Variants in TMED3 observed in about 807,000 individuals in gnomAD.
TMED3 encodes the protein transmembrane emp24 domain-containing protein 3.
Under a neutral mutation model 15.0 loss-of-function variants are expected in TMED3, and 9 were observed. The ratio of observed to expected loss-of-function variants is 0.60; its 90% CI spans 0.36 to 1.04. TMED3 has a LOEUF of 1.04. TMED3 is among the 50% of genes least tolerant of loss of function. The pLI, the probability that TMED3 is intolerant of heterozygous loss-of-function variation, is 0.01. For synonymous variants in TMED3, 117 were observed against 121.4 expected, an observed-to-expected ratio of 0.96 and a Z score of 0.24; for missense variants, 267 against 278.9, an observed-to-expected ratio of 0.96 and a Z score of 0.30.
At chr15:79,358,721 T>C (rs1035042077) in intron 2 of TMED3, among the ~76,000 whole-genome samples, 6 of 152,326 alleles carry the variant, frequency 3.9e-5, no homozygotes, top group Non-Finnish European at 5.9e-5. Context: ...CCCAACATTT[T>C]CTTATTTGCC....
chr15:79,402,347 G>T (rs1385367008), intron 2 of TMED3, among the ~76,000 whole-genome samples: 2 of 152,214 alleles, frequency 1.3e-5, no homozygotes, highest in African/African-American at 4.8e-5. Flanking sequence ...TGCTGGGTGG[G>T]TTCCCACATG....
chr15:79,320,752 T>TA (rs1424265029), intron 2 of TMED3, among the ~76,000 whole-genome samples: 2 of 152,206 alleles, frequency 1.3e-5, no homozygotes, highest in African/African-American at 4.8e-5. Context: ...AACTAATTAC[T>TA]ACAAACATAG....
chr15:79,357,550 G>A (rs143762402), intron 2 of TMED3, among the ~76,000 whole-genome samples: 164 of 145,004 alleles, frequency 1.1e-3, no homozygotes, highest in African/African-American at 3.7e-3. Context: ...AGCAGAACAC[G>A]TCTTCTTGAA....
At position 79,322,038 on chromosome 15, in the gene TMED3, C is replaced by T. The variant is rs1204754680; in HGVS notation, c.478C>T (p.His160Tyr). Residue 160 changes from histidine to tyrosine, a missense_variant, in exon 3 of 3, where the codon CAT becomes TAT. Around this residue, in one of 3 missense-constraint regions of TMED3, gnomAD observed 139 missense variants for 125.0 expected, o/e 1.11. Transcript: ENST00000299705. ...ALKTVIDSQT[H>Y]YRLREAQDRA... ...GAAAACGGTGATTGACTCCCAGACG[C>T]ATTACCGGCTGCGGGAGGCCCAGGA... 6 of 1,614,104 alleles carry T rather than the reference C, an allele frequency of 3.7e-6. No individual in the cohort carries two copies. Among genetic ancestry groups the T allele is most frequent in the Non-Finnish European group, 5.1e-6 (6 of 1,180,058 alleles).
At chr15:79,347,550 A>G (rs1350012556) in intron 2 of TMED3, among the ~76,000 whole-genome samples, 1 of 152,192 alleles carries the variant, frequency 6.6e-6, no homozygotes, top group East Asian at 1.9e-4. Context: ...GGCAAGGGAA[A>G]GAAATAAAGT....
chr15:79,364,220 AC>A (rs1437201907), intron 2 of TMED3, among the ~76,000 whole-genome samples: 2 of 152,200 alleles, frequency 1.3e-5, no homozygotes. Context: ...TGTATAAGGC[AC>A]GAATTCCTGG....
chr15:79,353,847 G>A (rs1402150246), intron 2 of TMED3, among the ~76,000 whole-genome samples: 1 of 152,072 alleles, frequency 6.6e-6, no homozygotes, highest in Non-Finnish European at 1.5e-5. Flanking sequence ...CCTGTTCCCA[G>A]ATTCACACTT....
intron 2 of TMED3, among the ~76,000 whole-genome samples, chr15:79,332,066 T>TA (rs34636534): frequency 0.39 from 59,094 of 151,848 alleles, 11,782 homozygotes; most frequent in Middle Eastern, 0.48. Context: ...AATAAATAAA[T>TA]ACATAAATAA....
chr15:79,380,549 AGTTGTATATATG>A (rs1893510773), intron 2 of TMED3, among the ~76,000 whole-genome samples: 1 of 146,890 alleles, frequency 6.8e-6, no homozygotes, highest in Admixed American at 6.9e-5. Flanking sequence ...TTATATATAT[AGTTGTATATATG>A]TAGTTACATA....
At chr15:79,364,414 C>T (rs972903134) in intron 2 of TMED3, among the ~76,000 whole-genome samples, 2 of 152,040 alleles carry the variant, frequency 1.3e-5, no homozygotes, top group African/African-American at 4.8e-5. Context: ...AGCTGGCTAA[C>T]TCCTTTTGAT....
chr15:79,340,949 T>C (rs993336637), intron 2 of TMED3, among the ~76,000 whole-genome samples: 1 of 152,140 alleles, frequency 6.6e-6, no homozygotes, highest in Non-Finnish European at 1.5e-5. Context: ...ATCCCAGCAC[T>C]TTGGGAGGCC....
Position 79,311,224 on chromosome 15 carries a change from G to T in TMED3, c.-26G>T, listed in dbSNP as rs1335871013. ...CCGGGGGCGCAGCGCCCGAGCCGCG[G>T]CCCTCGAGACGGGACCGAGAGCATC... On this transcript the variant is annotated 5_prime_UTR_variant, in exon 1 of 3. Transcript: ENST00000299705. 1 of 1,574,748 alleles carries T rather than the reference G, an allele frequency of 6.4e-7. No homozygotes were observed. Among genetic ancestry groups the T allele is most frequent in the Non-Finnish European group, 8.6e-7 (1 of 1,165,362 alleles).
exon 3 of TMED3, chr15:79,411,582 G>A: frequency 1.4e-6 from 1 of 689,898 alleles, no homozygotes; most frequent in East Asian, 2.7e-5. Flanking sequence ...GGAAGCTGCT[G>A]CACAGAGCTA....
downstream of TMED3, among the ~76,000 whole-genome samples, chr15:79,327,829 T>C (rs2058792804): frequency 6.6e-6 from 1 of 152,196 alleles, no homozygotes; most frequent in African/African-American, 2.4e-5. Context: ...CTATAGTCAT[T>C]TGAGGGATGG....
chr15:79,320,778 C>T (rs1323992948), intron 2 of TMED3, among the ~76,000 whole-genome samples: 1 of 152,218 alleles, frequency 6.6e-6, no homozygotes, highest in African/African-American at 2.4e-5. Context: ...TAATGCAATA[C>T]TCACTTATTA....
rs2058771799 is a variant in TMED3 at position 79,322,392 on chromosome 15, G to C, written c.*178G>C. On this transcript the variant is annotated 3_prime_UTR_variant, in exon 3 of 3. Coordinates refer to ENST00000299705, the MANE Select transcript of TMED3 (RefSeq NM_007364.4). Reference sequence around the variant, plus strand: ...CACCTCAGCAGCTGAAGGTCTCAGAGACCAGTAATCAGAAGGCATCCGACT... The same window carrying C: ...CACCTCAGCAGCTGAAGGTCTCAGACACCAGTAATCAGAAGGCATCCGACT... 1 of 1,435,826 alleles carries C rather than the reference G, an allele frequency of 7.0e-7. No individual in the cohort carries two copies. The allele number at this position is 1,435,826 out of a possible 1,614,324, so 88.9% of individuals were successfully genotyped here.
At chr15:79,351,879 T>C (rs928650439) in intron 2 of TMED3, among the ~76,000 whole-genome samples, 25 of 152,192 alleles carry the variant, frequency 1.6e-4, no homozygotes, top group African/African-American at 5.8e-4. Flanking sequence ...GATGGAATTC[T>C]ACTCAGCCAT....
Position 79,313,681 on chromosome 15 carries a change from T to C in TMED3, c.169-76T>C. 3 of 1,526,948 alleles carry C rather than the reference T, an allele frequency of 2.0e-6. No homozygotes were observed. In the South Asian group the frequency reaches 3.8e-5, roughly 20 times the overall value. The allele number at this position is 1,526,948 out of a possible 1,614,324, so 94.6% of individuals were successfully genotyped here. A position where few individuals can be genotyped will look rare whatever the true frequency, so the allele number is the denominator to read the frequency against. ...AAGTGACAGAAATGTTTGTAGAGTC[T>C]GATCACAGTGTCTGGTTGGCATTTG... On this transcript the variant is annotated intron_variant, in intron 1 of 2. Coordinates refer to ENST00000299705, the MANE Select transcript of TMED3 (RefSeq NM_007364.4).
intron 2 of TMED3, among the ~76,000 whole-genome samples, chr15:79,378,380 G>A (rs1893465612): frequency 6.6e-6 from 1 of 152,170 alleles, no homozygotes; most frequent in South Asian, 2.1e-4. Context: ...TGTTCTAGTT[G>A]GTATGTGGCT....
Sources: gnomAD v4.1 joint callset for allele counts (sites outside exome capture counted in the v4.1 genomes callset) on GRCh38, gnomAD v4.1.1 for gene constraint, gnomAD v4.1.1 regional missense constraint, MANE v1.5 for transcripts, NCBI Gene and HGNC (gene_info 2026-07-23, HGNC 2026-07-21) for gene names.